FREM1: variants seen among roughly 807,000 people sequenced by gnomAD.
The protein encoded by FREM1 is FRAS1 related extracellular matrix 1.
Under a neutral mutation model 210.1 loss-of-function variants are expected in FREM1, and 220 were observed. That is an observed-to-expected ratio of 1.05 (90% CI 0.94 to 1.17). FREM1 has a LOEUF of 1.17. Among genes scored for constraint, FREM1 ranks in the 50% most tolerant of loss-of-function variants. The pLI, the probability that FREM1 is intolerant of heterozygous loss-of-function variation, is 0.00. For missense variants in FREM1, 3,454 were observed against 2,675.5 expected (o/e 1.29, Z -6.42); for synonymous variants, 1,189 against 980.2 (o/e 1.21, Z -3.98).
intron 1 of FREM1, among the ~76,000 whole-genome samples, chr9:14,909,491 C>T (rs1377737062): frequency 1.3e-5 from 2 of 152,210 alleles, no homozygotes; most frequent in Non-Finnish European, 2.9e-5. Flanking sequence ...GGTATCCAGA[C>T]ATTATCTCAT....
intron 1 of FREM1, among the ~76,000 whole-genome samples, chr9:14,872,253 T>G (rs1286048265): frequency 6.6e-6 from 1 of 152,200 alleles, no homozygotes; most frequent in Non-Finnish European, 1.5e-5. Context: ...ATAAATTACC[T>G]TGGGCAGTAT....
chr9:14,784,389 C>T lies in FREM1; in HGVS notation c.4423G>A (p.Val1475Ile), dbSNP rs772316958. 1.9e-6 allele frequency: 3 copies of T among 1,613,434 alleles called. No individual in the cohort carries two copies. The highest frequency in any genetic ancestry group is 2.5e-6 in the Non-Finnish European group (3 of 1,179,596). Reference sequence around the variant, plus strand: ...GCTCACCTGAATCTGTCACTGGAGACAGTCACCTTGCTCTTGTGTACATAG... The same window carrying T: ...GCTCACCTGAATCTGTCACTGGAGATAGTCACCTTGCTCTTGTGTACATAG... ...VCYVHKSKVT[V>I]SSDRFRFIIS... The change falls in exon 24 of 37, where the codon GTC becomes ATC. Residue 1475 changes from valine to isoleucine, a missense_variant. By Grantham distance (29) the Val-to-Ile change is conservative (BLOSUM62 3). Transcript: ENST00000380880.
chr9:14,809,237 G>A (rs1818945903), intron 16 of FREM1, among the ~76,000 whole-genome samples: 1 of 152,126 alleles, frequency 6.6e-6, no homozygotes, highest in Non-Finnish European at 1.5e-5. Flanking sequence ...ATGATCATGA[G>A]GCTTCCCAGC....
chr9:14,747,075 G>A (rs777270214), intron 33 of FREM1, 24 bp from the exon 34 acceptor site: 20 of 1,612,656 alleles, frequency 1.2e-5, no homozygotes, highest in East Asian at 6.7e-5. Flanking sequence ...AGGCAATTTA[G>A]CAATTTAGAA....
At chr9:14,889,304 A>G (rs538715396) in intron 1 of FREM1, among the ~76,000 whole-genome samples, 3 of 152,320 alleles carry the variant, frequency 2.0e-5, no homozygotes, top group African/African-American at 7.2e-5. Flanking sequence ...CACATTCAAC[A>G]TTGCCCCTTT....
intron 16 of FREM1, among the ~76,000 whole-genome samples, chr9:14,811,465 T>C (rs1261119825): frequency 6.6e-6 from 1 of 152,192 alleles, no homozygotes; most frequent in Admixed American, 6.5e-5. Flanking sequence ...TGCCAGTCTA[T>C]TTCAGATCCA....
chr9:14,814,412 A>G (rs1179702254), intron 15 of FREM1, among the ~76,000 whole-genome samples: 1 of 152,216 alleles, frequency 6.6e-6, no homozygotes, highest in Non-Finnish European at 1.5e-5. Flanking sequence ...TTTGCTGAAT[A>G]AATGAATGAG....
rs281875281 is a variant in FREM1 at position 14,792,753 on chromosome 9, A to C, written c.3971T>G (p.Leu1324Arg). 348 of 1,596,340 alleles carry C rather than the reference A, an allele frequency of 2.2e-4. No individual in the cohort carries two copies. Among genetic ancestry groups the C allele is most frequent in the Non-Finnish European group, 2.9e-4 (337 of 1,173,642 alleles). The change falls in exon 22 of 37, where the codon CTT becomes CGT. Residue 1324 changes from leucine (L) to arginine (R), a missense_variant. Leu to Arg is a moderately radical substitution (Grantham distance 102). Transcript: ENST00000380880. ...TAAGAAGTCACTAACCTTAAGCTGA[A>C]GTTGCCCATTTTGGGGAAGCCTTTC... ...VFERLPQNGQ[L>R]QLKIGRDWVP...
chr9:14,747,919 G>A (rs1258156090), intron 31 of FREM1, among the ~76,000 whole-genome samples, 191 bp from the exon 32 acceptor site: 1 of 152,218 alleles, frequency 6.6e-6, no homozygotes, highest in Non-Finnish European at 1.5e-5. Context: ...TGATTGTTGT[G>A]TGGATTCACA....
In FREM1 at chr9:14,857,704, C is replaced by T; in HGVS notation, c.677G>A (p.Gly226Glu). ...TTTGAGGCTTCCTATTTTCTTTAAT[C>T]CTGGGGTACAGCTCCCACCTGGACA... is the stretch of plus-strand genomic sequence containing the variant. ...LKCPGGSCTP[G>E]LKKIGSLKVS... The change falls in exon 5 of 37, where the codon GGA (glycine) becomes GAA (glutamate). Residue 226 changes from glycine (G) to glutamate (E), a missense_variant. Gly to Glu is a moderately conservative substitution (Grantham distance 98). Transcript: ENST00000380880. 1 of 1,613,264 alleles carries T rather than the reference C, an allele frequency of 6.2e-7. No individual in the cohort carries two copies. The highest frequency in any genetic ancestry group is 8.5e-7 in the Non-Finnish European group (1 of 1,179,520).
At chr9:14,870,962 T>A (rs1021282612) in intron 1 of FREM1, among the ~76,000 whole-genome samples, 1 of 152,104 alleles carries the variant, frequency 6.6e-6, no homozygotes, top group East Asian at 1.9e-4. Flanking sequence ...ATTTCATCCA[T>A]GTCCCTACAA....
intron 10 of FREM1, among the ~76,000 whole-genome samples, chr9:14,825,535 A>T (rs62536617): frequency 9.2e-6 from 1 of 108,714 alleles, no homozygotes; most frequent in Non-Finnish European, 1.8e-5. Flanking sequence ...ATATATATAT[A>T]TGTGTGTGTG....
chr9:14,762,248 A>G lies in FREM1; in HGVS notation c.5205-2347T>C, dbSNP rs556489782. Among the ~76,000 whole-genome samples the G allele has an allele frequency of 2.0e-5, 3 of 152,362 alleles. No homozygotes were observed. The South Asian group carries it at 6.2e-4, about 32-fold the overall frequency. On this transcript the variant is annotated intron_variant, in intron 27 of 36. Coordinates refer to ENST00000380880, the MANE Select transcript of FREM1 (RefSeq NM_001379081.2). Reference sequence around the variant, plus strand: ...GAAAAGAGAGAAAGATGAAATGGGAAGGAAAGGAGGACAGTGGGAAAGAAT... The same window carrying G: ...GAAAAGAGAGAAAGATGAAATGGGAGGGAAAGGAGGACAGTGGGAAAGAAT...
chr9:14,888,466 C>G (rs920872429), intron 1 of FREM1, among the ~76,000 whole-genome samples: 1 of 152,198 alleles, frequency 6.6e-6, no homozygotes, highest in Admixed American at 6.5e-5. Context: ...GCAATAGATA[C>G]TATTCCAGAA....
rs369854983 is a variant in FREM1 at position 14,884,207 on chromosome 9, C to G, written c.-267-14963G>C. Among the ~76,000 whole-genome samples, 2 of 151,282 alleles carry G rather than the reference C, an allele frequency of 1.3e-5. 1 individual carries two copies. The highest frequency in any genetic ancestry group is 2.9e-5 in the Non-Finnish European group (2 of 67,882). ...TCGCGCCACTGCACTCCAGCCTGGG[C>G]GACAGAGCGAGACTCCATCTCAAAA... On this transcript the variant is annotated intron_variant, in intron 1 of 36. Transcript: ENST00000380880.
At position 14,836,953 on chromosome 9, in the gene FREM1, C is replaced by T. The variant is rs543081049; in HGVS notation, c.1881+4494G>A. Among the ~76,000 whole-genome samples, 4 of 152,264 alleles carry T rather than the reference C, an allele frequency of 2.6e-5. No individual in the cohort carries two copies. The highest frequency in any genetic ancestry group is 6.5e-5 in the Admixed American group (1 of 15,294). On this transcript the variant is annotated intron_variant, in intron 10 of 36. Transcript: ENST00000380880. This position sits in a 1 kb window ranked among gnomAD's most constrained non-coding sequence, Gnocchi z 4.9. ...GGAAAAGGGGTCCTTGGGTAGTTTT[C>T]GTCTTTTAAAGCATATCCGGAAAAG... is the stretch of plus-strand genomic sequence containing the variant.
intron 17 of FREM1, among the ~76,000 whole-genome samples, chr9:14,807,706 C>T (rs1042502861): frequency 6.6e-6 from 1 of 151,782 alleles, no homozygotes; most frequent in African/African-American, 2.4e-5. Context: ...CACCCCAACA[C>T]ACGTATTCTC....
At chr9:14,742,650 A>G (rs1841778337) in intron 35 of FREM1, among the ~76,000 whole-genome samples, 2 of 152,176 alleles carry the variant, frequency 1.3e-5, no homozygotes, top group African/African-American at 2.4e-5. Context: ...AAATGAATGT[A>G]TCTATAAACT....
intron 1 of FREM1, among the ~76,000 whole-genome samples, chr9:14,902,498 A>G (rs1293419504): frequency 6.6e-6 from 1 of 152,198 alleles, no homozygotes; most frequent in Non-Finnish European, 1.5e-5. Flanking sequence ...CAGATCAGGA[A>G]ATGTCTCTAC....
Sources: allele counts gnomAD v4.1 joint callset (sites outside exome capture counted in the v4.1 genomes callset), GRCh38; gene constraint gnomAD v4.1.1; non-coding constraint Gnocchi (gnomAD v3.1); transcripts MANE v1.5; gene names NCBI Gene and HGNC (gene_info 2026-07-23, HGNC 2026-07-21).